The following PRKCB variants were observed in gnomAD, a reference collection of about 807,000 sequenced individuals.
The protein encoded by PRKCB is protein kinase C beta type.
PRKCB carries 13 observed loss-of-function variants against 81.5 expected under a neutral mutation model. That is an observed-to-expected ratio of 0.16 (90% CI 0.10 to 0.25). The LOEUF is 0.25. PRKCB is among the 10% of genes least tolerant of loss of function. The pLI, the probability that PRKCB is intolerant of heterozygous loss-of-function variation, is 1.00. For synonymous variants in PRKCB, 335 were observed against 321.4 expected (o/e 1.04, Z -0.45); for missense variants, 509 against 875.7 (o/e 0.58, Z 5.29).
chr16:24,112,319 A>G (rs2141918166), intron 7 of PRKCB, among the ~76,000 whole-genome samples: 1 of 152,332 alleles, frequency 6.6e-6, no homozygotes, highest in Middle Eastern at 3.4e-3. Flanking sequence ...ACTTGAGGTC[A>G]GGAATTCAAG....
At chr16:24,103,598 T>A (rs1966537647) in intron 7 of PRKCB, among the ~76,000 whole-genome samples, 1 of 152,186 alleles carries the variant, frequency 6.6e-6, no homozygotes, top group East Asian at 1.9e-4. Context: ...CATGTACAAA[T>A]TTGTTACCTG....
At chr16:24,160,715 C>T (rs1268982742) in intron 10 of PRKCB, among the ~76,000 whole-genome samples, 5 of 152,028 alleles carry the variant, frequency 3.3e-5, no homozygotes, top group Non-Finnish European at 7.4e-5. Flanking sequence ...AATAATGACA[C>T]AAAGTAAAGA....
chr16:24,168,351 C>T (rs8045632), intron 10 of PRKCB, among the ~76,000 whole-genome samples: 8,526 of 152,126 alleles, frequency 0.056, 809 homozygotes, highest in African/African-American at 0.19. Context: ...CCTCTTCTCC[C>T]GGTTTTATAG....
Position 23,950,132 on chromosome 16 carries a change from A to AGTTTTTTTTTTTTTTTTT in PRKCB, c.206-38376_206-38375insGTTTTTTTTTTTTTTTTT, listed in dbSNP as rs55986931. Among the ~76,000 whole-genome samples the AGTTTTTTTTTTTTTTTTT allele has an allele frequency of 1.7e-4, 17 of 97,760 alleles. 6 individuals are homozygous for AGTTTTTTTTTTTTTTTTT. Among genetic ancestry groups the AGTTTTTTTTTTTTTTTTT allele is most frequent in the African/African-American group, 1.7e-4 (4 of 24,092 alleles). The allele number at this position is 97,760 out of a possible 152,430, so 64.1% of individuals were successfully genotyped here. The stretch of plus-strand genomic sequence containing the variant: ...AGCAGCATTGGCCCCTATGATTTGA[A>AGTTTTTTTTTTTTTTTTT]TTTTTTTTTTTTTTTTTTTTTTTTT... On this transcript the variant is annotated intron_variant, in intron 2 of 16. Coordinates refer to ENST00000643927, the MANE Select transcript of PRKCB (RefSeq NM_002738.7).
At chr16:23,929,353 A>C (rs762192451) in intron 2 of PRKCB, among the ~76,000 whole-genome samples, 1 of 152,122 alleles carries the variant, frequency 6.6e-6, no homozygotes, top group Non-Finnish European at 1.5e-5. Flanking sequence ...GGCTAAACGC[A>C]TGAACTCTTG....
chr16:23,847,318 CTCTATCTATCTATCTATCTATCTATCTA>C lies in PRKCB; in HGVS notation c.205+9944_205+9971del, dbSNP rs746347042. Among the ~76,000 whole-genome samples the C allele has an allele frequency of 2.8e-5, 4 of 144,142 alleles. No individual in the cohort carries two copies. In the East Asian group the frequency reaches 6.1e-4, roughly 22 times the overall value. 94.6% of individuals were successfully genotyped at this position (144,142 alleles called of 152,430 possible). ...TTGGGTGGGTAAAATATGATCCTGC[CTCTATCTATCTATCTATCTATCTATCTA>C]TCTATCTATCTATCTATCTATCTAT... On this transcript the variant is annotated intron_variant, in intron 2 of 16. Transcript: ENST00000643927.
At position 23,891,038 on chromosome 16, in the gene PRKCB, G is replaced by A. The variant is rs140687707; in HGVS notation, c.205+53632G>A. 5.9e-3 allele frequency among the ~76,000 whole-genome samples: 860 copies of A among 146,066 alleles called. 8 individuals are homozygous for A. The highest frequency in any genetic ancestry group is 0.022 in the African/African-American group (828 of 38,114). ...GTGTGTGTGTATATATATAATGTGTGTGTATATATATATATAATTTTTTTT... is the reference window on the plus strand; with the variant it reads ...GTGTGTGTGTATATATATAATGTGTATGTATATATATATATAATTTTTTTT... On this transcript the variant is annotated intron_variant, in intron 2 of 16. Transcript: ENST00000643927.
At chr16:24,172,489 G>A (rs1967458399) in intron 11 of PRKCB, 128 bp downstream of exon 11, 2 of 722,176 alleles carry the variant, frequency 2.8e-6, no homozygotes, top group African/African-American at 1.8e-5. Context: ...AAAATATTTA[G>A]CCAGGGAAGA....
intron 2 of PRKCB, among the ~76,000 whole-genome samples, chr16:23,952,870 C>A (rs1470909235): frequency 6.6e-6 from 1 of 152,158 alleles, no homozygotes; most frequent in Non-Finnish European, 1.5e-5. Context: ...GGCTCAGGAG[C>A]TATGGGAGTG....
chr16:23,962,074 T>A (rs1235770919), intron 2 of PRKCB, among the ~76,000 whole-genome samples: 2 of 152,142 alleles, frequency 1.3e-5, no homozygotes, highest in Non-Finnish European at 2.9e-5. Flanking sequence ...ATTTATCTGC[T>A]CTTCTCTTTC....
At chr16:23,968,154 G>A (rs1964512523) in intron 2 of PRKCB, among the ~76,000 whole-genome samples, 1 of 152,094 alleles carries the variant, frequency 6.6e-6, no homozygotes, top group South Asian at 2.1e-4. Context: ...TGCTTGAGAT[G>A]ATGGAATCTA....
chr16:23,920,577 C>G (rs928617279), intron 2 of PRKCB, among the ~76,000 whole-genome samples: 1 of 152,146 alleles, frequency 6.6e-6, no homozygotes, highest in African/African-American at 2.4e-5. Flanking sequence ...GGAAGCAGAG[C>G]CCCTGGAAAG....
chr16:24,068,382 T>G (rs1312285158), intron 5 of PRKCB, among the ~76,000 whole-genome samples: 1 of 151,990 alleles, frequency 6.6e-6, no homozygotes, highest in Non-Finnish European at 1.5e-5. Flanking sequence ...AGAATAAGCT[T>G]CAAGCTCTGG....
At chr16:24,207,935 T>A (rs1262891770) in intron 16 of PRKCB, among the ~76,000 whole-genome samples, 1 of 152,138 alleles carries the variant, frequency 6.6e-6, no homozygotes, top group Non-Finnish European at 1.5e-5. Context: ...TACTTCAGTA[T>A]GGCTGGAGGG....
At chr16:23,984,727 CTG>C (rs1440126267) in intron 2 of PRKCB, among the ~76,000 whole-genome samples, 2 of 152,150 alleles carry the variant, frequency 1.3e-5, no homozygotes, top group African/African-American at 2.4e-5. Flanking sequence ...GAGAAGAACA[CTG>C]TGGATAATTT....
At chr16:23,845,309 G>A (rs1361174774) in intron 2 of PRKCB, among the ~76,000 whole-genome samples, 1 of 151,870 alleles carries the variant, frequency 6.6e-6, no homozygotes, top group Non-Finnish European at 1.5e-5. Context: ...GGTACCGGGA[G>A]AATATATAAT....
At chr16:24,138,447 T>G (rs1177097257) in intron 9 of PRKCB, among the ~76,000 whole-genome samples, 1 of 152,208 alleles carries the variant, frequency 6.6e-6, no homozygotes, top group Non-Finnish European at 1.5e-5. Flanking sequence ...TAAAAAAGAG[T>G]CAAATTAAAT....
intron 5 of PRKCB, among the ~76,000 whole-genome samples, chr16:24,041,734 G>A (rs754789464): frequency 5.3e-5 from 8 of 151,870 alleles, no homozygotes; most frequent in Middle Eastern, 3.2e-3. Context: ...GGCTCACGTC[G>A]GTAATCCCAG....
chr16:23,980,666 T>G (rs1473326669), intron 2 of PRKCB, among the ~76,000 whole-genome samples: 1 of 152,150 alleles, frequency 6.6e-6, no homozygotes, highest in Non-Finnish European at 1.5e-5. Context: ...CACAGATATC[T>G]GCAACTAGCG....
Sources: gnomAD v4.1 joint callset for allele counts (sites outside exome capture counted in the v4.1 genomes callset) on GRCh38, gnomAD v4.1.1 for gene constraint, MANE v1.5 for transcripts, NCBI Gene and HGNC (gene_info 2026-07-23, HGNC 2026-07-21) for gene names.